Variants in SAMD5 observed in about 807,000 individuals in gnomAD.
SAMD5 encodes the protein sterile alpha motif domain containing 5, also known as sterile alpha motif domain-containing protein 5.
SAMD5 carries 13 observed loss-of-function variants against 11.3 expected under a neutral mutation model. The ratio of observed to expected loss-of-function variants is 1.15; its 90% CI spans 0.75 to 1.83. The LOEUF is 1.83. Ranked by LOEUF, SAMD5 falls within the 40% of genes most tolerant of loss-of-function variation. The pLI is 0.00. For missense variants in SAMD5, 255 were observed against 239.1 expected (o/e 1.07, Z -0.44); for synonymous variants, 129 against 111.3 (o/e 1.16, Z -1.00).
At chr6:147,803,750 G>T in the SAMD5 span, among the ~76,000 whole-genome samples, 1 of 152,138 alleles carries the variant, frequency 6.6e-6, no homozygotes, top group East Asian at 1.9e-4. Flanking sequence ...ATTTGAAGCT[G>T]TGCTGTCTGA....
the SAMD5 span, among the ~76,000 whole-genome samples, chr6:147,785,102 G>A: frequency 6.6e-6 from 1 of 152,094 alleles, no homozygotes; most frequent in East Asian, 1.9e-4. Flanking sequence ...TCAAAAAGAG[G>A]TATGAGCATA....
chr6:147,864,580 C>A, the SAMD5 span, among the ~76,000 whole-genome samples: 6 of 152,146 alleles, frequency 3.9e-5, no homozygotes, highest in Non-Finnish European at 8.8e-5. Context: ...CAATGCCAGA[C>A]CTTTTACAAA....
At chr6:147,856,412 G>T in the SAMD5 span, among the ~76,000 whole-genome samples, 1 of 152,154 alleles carries the variant, frequency 6.6e-6, no homozygotes, top group Non-Finnish European at 1.5e-5. Flanking sequence ...ATATCAAATT[G>T]TATGCTTTAA....
the SAMD5 span, chr6:147,953,726 T>C: frequency 6.6e-6 from 1 of 152,224 alleles, no homozygotes; most frequent in Non-Finnish European, 1.5e-5. Context: ...AATATTTATA[T>C]GTGTAATGTG....
the SAMD5 span, among the ~76,000 whole-genome samples, chr6:147,942,823 C>CTTTTTTTTTT: frequency 7.8e-6 from 1 of 128,850 alleles, no homozygotes; most frequent in African/African-American, 2.9e-5. Context: ...CCCAATGCTT[C>CTTTTTTTTTT]TTTTTTTTTT....
chr6:147,735,610 G>A (rs913790744), intron 1 of SAMD5, among the ~76,000 whole-genome samples: 17 of 152,158 alleles, frequency 1.1e-4, no homozygotes, highest in African/African-American at 3.9e-4. Context: ...TTAAGGAATA[G>A]TGTGAAGTTT....
chr6:147,857,089 T>C, the SAMD5 span, among the ~76,000 whole-genome samples: 1 of 151,750 alleles, frequency 6.6e-6, no homozygotes, highest in South Asian at 2.1e-4. Flanking sequence ...AGACAACTAC[T>C]ACCAGATGGT....
At chr6:147,562,288 T>C (rs1788962279) in intron 1 of SAMD5, among the ~76,000 whole-genome samples, 1 of 152,200 alleles carries the variant, frequency 6.6e-6, no homozygotes, top group Non-Finnish European at 1.5e-5. Flanking sequence ...CTGTTGAACA[T>C]GGGGCAGACA....
Position 147,509,021 on chromosome 6 carries a change from G to A in SAMD5, c.93G>A (p.Glu31=). The A allele has an allele frequency of 6.2e-7, 1 of 1,607,890 alleles. No individual in the cohort carries two copies. The highest frequency in any genetic ancestry group is 8.5e-7 in the Non-Finnish European group (1 of 1,177,768). Residue 31 remains glutamate, a synonymous_variant, in exon 1 of 2, where the codon GAG becomes GAA. Coordinates refer to ENST00000367474, the MANE Select transcript of SAMD5 (RefSeq NM_001030060.3). ...TGGATAACGGCTACGATGACCTGGA[G>A]GTGTGCAAGCAGATCGGGGACCCGG... ...SFVDNGYDDL[E]VCKQIGDPDL... is the part of the protein sequence containing the mutation.
the SAMD5 span, among the ~76,000 whole-genome samples, chr6:147,831,805 A>G: frequency 1.3e-5 from 2 of 152,146 alleles, no homozygotes; most frequent in Non-Finnish European, 2.9e-5. Flanking sequence ...TTAATGGACC[A>G]AGTCATTTAA....
At chr6:147,870,132 G>A in the SAMD5 span, among the ~76,000 whole-genome samples, 2 of 152,122 alleles carry the variant, frequency 1.3e-5, no homozygotes, top group Non-Finnish European at 2.9e-5. Context: ...ACCTTTCAAG[G>A]GCTCCATAGC....
intron 1 of SAMD5, among the ~76,000 whole-genome samples, chr6:147,530,826 C>T (rs1344657662): frequency 6.6e-6 from 1 of 152,170 alleles, no homozygotes; most frequent in Non-Finnish European, 1.5e-5. Context: ...AGGCATTTTG[C>T]GTAATCAGCC....
Position 147,566,511 on chromosome 6 carries a change from T to C in SAMD5, c.*2055T>C, listed in dbSNP as rs966475681. 18 of 985,656 alleles carry C rather than the reference T, an allele frequency of 1.8e-5. No homozygotes were observed. The highest frequency in any genetic ancestry group is 4.7e-5 in the South Asian group (1 of 21,288). 61.1% of individuals were successfully genotyped at this position (985,656 alleles called of 1,614,324 possible). ...TAGGAAGGACTCAATTTTTGAAAAA[T>C]CTGTTATTTTCACTGTGGGCCTTAT... On this transcript the variant is annotated 3_prime_UTR_variant, in exon 2 of 2. Coordinates refer to ENST00000367474, the MANE Select transcript of SAMD5 (RefSeq NM_001030060.3).
chr6:147,743,783 G>T, the SAMD5 span, among the ~76,000 whole-genome samples: 1 of 152,164 alleles, frequency 6.6e-6, no homozygotes, highest in African/African-American at 2.4e-5. Flanking sequence ...GTGACTCAAA[G>T]TCCCCACTTA....
At chr6:147,612,412 C>CTTTTTTTTTTTTTTTTTTTTTT (rs1789801139) in intron 1 of SAMD5, among the ~76,000 whole-genome samples, 1 of 152,102 alleles carries the variant, frequency 6.6e-6, no homozygotes, top group African/African-American at 2.4e-5. Flanking sequence ...TTAAATCATT[C>CTTTTTTTTTTTTTTTTTTTTTT]TTTTTATTTT....
rs745973191 is a variant in SAMD5 at position 147,565,315 on chromosome 6, C to T, written c.*859C>T. 1.0e-5 allele frequency: 10 copies of T among 985,656 alleles called. No individual in the cohort carries two copies. The highest frequency in any genetic ancestry group is 3.5e-5 in the African/African-American group (2 of 57,182). 61.1% of individuals were successfully genotyped at this position (985,656 alleles called of 1,614,324 possible). On this transcript the variant is annotated 3_prime_UTR_variant, in exon 2 of 2. Coordinates refer to ENST00000367474, the MANE Select transcript of SAMD5 (RefSeq NM_001030060.3). ...CTTCTGACTTCAGGCCTGTGGGGGC[C>T]GGGAGGTGGGCAGCGGCAGTGGCCT...
At chr6:147,750,647 C>T in the SAMD5 span, among the ~76,000 whole-genome samples, 4 of 152,190 alleles carry the variant, frequency 2.6e-5, no homozygotes, top group Admixed American at 6.5e-5. Flanking sequence ...TGACTGGGCC[C>T]GGCACAGTGG....
chr6:147,849,502 C>G, the SAMD5 span, among the ~76,000 whole-genome samples: 2 of 152,156 alleles, frequency 1.3e-5, no homozygotes, highest in African/African-American at 2.4e-5. Flanking sequence ...GAGTAACGCT[C>G]AAGGTCATAT....
At chr6:147,539,805 A>G (rs1788571106) in intron 1 of SAMD5, among the ~76,000 whole-genome samples, 1 of 152,096 alleles carries the variant, frequency 6.6e-6, no homozygotes, top group African/African-American at 2.4e-5. Flanking sequence ...GGCCTTTTAA[A>G]TATATCTATA....
Sources: gnomAD v4.1 joint callset for allele counts (sites outside exome capture counted in the v4.1 genomes callset) on GRCh38, gnomAD v4.1.1 for gene constraint, MANE v1.5 for transcripts, NCBI Gene and HGNC (gene_info 2026-07-23, HGNC 2026-07-21) for gene names.